SGCZ: variants seen among roughly 807,000 people sequenced by gnomAD.
SGCZ encodes the protein zeta-sarcoglycan.
A neutral mutation model predicts 41.3 loss-of-function variants in SGCZ; 40 were observed. The ratio of observed to expected loss-of-function variants is 0.97; its 90% CI spans 0.75 to 1.26. The LOEUF (loss-of-function observed/expected upper bound fraction) is 1.26. Among genes scored for constraint, SGCZ ranks in the 50% most tolerant of loss-of-function variants. The pLI, the probability that SGCZ is intolerant of heterozygous loss-of-function variation, is 0.00. For synonymous variants in SGCZ, 206 were observed against 137.5 expected (o/e 1.50, Z -3.49); for missense variants, 552 against 369.8 (o/e 1.49, Z -4.04).
intron 1 of SGCZ, among the ~76,000 whole-genome samples, chr8:15,021,218 C>A (rs1161736744): frequency 6.6e-6 from 1 of 152,140 alleles, no homozygotes; most frequent in Non-Finnish European, 1.5e-5. Flanking sequence ...TTCCATGTAT[C>A]ATAGGATAAA....
intron 1 of SGCZ, among the ~76,000 whole-genome samples, chr8:15,027,927 A>T (rs1240483662): frequency 6.6e-6 from 1 of 152,064 alleles, no homozygotes; most frequent in East Asian, 1.9e-4. Context: ...TCATTAAAAA[A>T]CCTATGAGGT....
chr8:14,645,378 A>T (rs1175646433), intron 1 of SGCZ, among the ~76,000 whole-genome samples: 3 of 149,910 alleles, frequency 2.0e-5, no homozygotes, highest in Non-Finnish European at 4.4e-5. Context: ...TTTTTGTAAC[A>T]CATGCTGGCG....
chr8:14,908,926 T>G (rs377570338), intron 1 of SGCZ, among the ~76,000 whole-genome samples: 10 of 152,138 alleles, frequency 6.6e-5, no homozygotes, highest in African/African-American at 2.2e-4. Context: ...CACCAAATGT[T>G]TTTCTTGCAG....
intron 1 of SGCZ, among the ~76,000 whole-genome samples, chr8:15,142,827 T>C (rs1282595337): frequency 6.6e-6 from 1 of 152,084 alleles, no homozygotes; most frequent in Non-Finnish European, 1.5e-5. Flanking sequence ...CCCAGGCTGG[T>C]CTCAAACTCC....
At chr8:14,569,077 A>G (rs932050415) in intron 1 of SGCZ, among the ~76,000 whole-genome samples, 2 of 152,172 alleles carry the variant, frequency 1.3e-5, no homozygotes, top group African/African-American at 4.8e-5. Context: ...ATATTATTTG[A>G]AAACATCTTT....
intron 2 of SGCZ, among the ~76,000 whole-genome samples, chr8:14,359,634 G>A (rs1472561322): frequency 6.6e-6 from 1 of 151,978 alleles, no homozygotes; most frequent in Non-Finnish European, 1.5e-5. Flanking sequence ...GATTAAGGCT[G>A]TAAGTCTCTC....
At chr8:14,689,721 A>C (rs947799080) in intron 1 of SGCZ, among the ~76,000 whole-genome samples, 1 of 152,208 alleles carries the variant, frequency 6.6e-6, no homozygotes, top group Non-Finnish European at 1.5e-5. Flanking sequence ...TATTTGTAGG[A>C]TGAAACTGTG....
At chr8:14,778,970 A>G (rs983686027) in intron 1 of SGCZ, among the ~76,000 whole-genome samples, 3 of 152,214 alleles carry the variant, frequency 2.0e-5, no homozygotes, top group Non-Finnish European at 4.4e-5. Flanking sequence ...ATTCCTAGAC[A>G]TATGTGCAAG....
chr8:15,022,092 C>T (rs1397352677), intron 1 of SGCZ, among the ~76,000 whole-genome samples: 4 of 152,140 alleles, frequency 2.6e-5, no homozygotes, highest in Non-Finnish European at 2.9e-5. Flanking sequence ...GGCACAAAAC[C>T]GTTAAGGTGA....
At chr8:14,108,352 T>G (rs536570375) in intron 5 of SGCZ, 117 bp from the exon 6 acceptor site, 3 of 842,942 alleles carry the variant, frequency 3.6e-6, no homozygotes, top group Non-Finnish European at 5.8e-6. Flanking sequence ...CAGGTACATA[T>G]GATGTATTAG....
At chr8:14,715,120 A>G (rs1391193127) in intron 1 of SGCZ, among the ~76,000 whole-genome samples, 1 of 152,204 alleles carries the variant, frequency 6.6e-6, no homozygotes, top group Non-Finnish European at 1.5e-5. Flanking sequence ...TACGATGCAT[A>G]TTCATGGAAA....
rs78607560 is a variant in SGCZ at position 14,368,782 on chromosome 8, T to C, written c.235-44578A>G. On this transcript the variant is annotated intron_variant, in intron 2 of 7. Transcript: ENST00000382080. ...CTGCTACAAAATGCAGCACCATGTT[T>C]GTAATGTGATAAACTCAAGTGGCCA... 9.6e-3 allele frequency among the ~76,000 whole-genome samples: 1,464 copies of C among 152,152 alleles called. 24 individuals carry two copies. The highest frequency in any genetic ancestry group is 0.033 in the African/African-American group (1,391 of 41,528).
intron 1 of SGCZ, among the ~76,000 whole-genome samples, chr8:14,886,423 A>G (rs927945647): frequency 1.6e-4 from 24 of 152,264 alleles, no homozygotes; most frequent in Middle Eastern, 3.4e-3. Context: ...GGAGGTAGGG[A>G]ATAAAAGGGT....
chr8:14,597,494 G>C (rs1304443828), intron 1 of SGCZ, among the ~76,000 whole-genome samples: 2 of 152,164 alleles, frequency 1.3e-5, no homozygotes. Flanking sequence ...TTGAAATGGA[G>C]TTTCACTCTT....
Position 14,264,821 on chromosome 8 carries a change from G to A in SGCZ, c.337-27142C>T, listed in dbSNP as rs184611878. Reference sequence around the variant, plus strand: ...CTAAAAATATTTAAAAAATTAGCCGGGCGTGGTGGCGGGCGCCTGTAGTCC... The same window carrying A: ...CTAAAAATATTTAAAAAATTAGCCGAGCGTGGTGGCGGGCGCCTGTAGTCC... On this transcript the variant is annotated intron_variant, in intron 3 of 7. Transcript: ENST00000382080. Among the ~76,000 whole-genome samples, 113 of 152,176 alleles carry A rather than the reference G, an allele frequency of 7.4e-4. 2 individuals are homozygous for A. In the East Asian group the frequency reaches 0.016, roughly 21 times the overall value.
chr8:15,017,230 A>G (rs1161091829), intron 1 of SGCZ, among the ~76,000 whole-genome samples: 2 of 152,128 alleles, frequency 1.3e-5, no homozygotes, highest in Admixed American at 6.5e-5. Context: ...ACTGGGAGTA[A>G]TAATTATTCC....
chr8:14,953,732 GC>G (rs1366899293), intron 1 of SGCZ, among the ~76,000 whole-genome samples: 1 of 152,252 alleles, frequency 6.6e-6, no homozygotes, highest in East Asian at 1.9e-4. Flanking sequence ...GACGCCTCTA[GC>G]ATGATGTGTT....
chr8:14,194,119 G>T (rs1322507465), intron 4 of SGCZ, among the ~76,000 whole-genome samples: 1 of 151,712 alleles, frequency 6.6e-6, no homozygotes, highest in African/African-American at 2.4e-5. Context: ...TAATACGTAA[G>T]AGATTTATCC....
At chr8:14,368,943 T>C (rs903880976) in intron 2 of SGCZ, among the ~76,000 whole-genome samples, 2 of 151,954 alleles carry the variant, frequency 1.3e-5, no homozygotes, top group South Asian at 4.1e-4. Context: ...AGGACTGTGC[T>C]GTCTTTCTGA....
Sources: gnomAD v4.1 joint callset for allele counts (sites outside exome capture counted in the v4.1 genomes callset) on GRCh38, gnomAD v4.1.1 for gene constraint, MANE v1.5 for transcripts, NCBI Gene and HGNC (gene_info 2026-07-23, HGNC 2026-07-21) for gene names.